ZZEF1: variants seen among roughly 807,000 people sequenced by gnomAD.
ZZEF1 encodes the protein zinc finger ZZ-type and EF-hand domain containing 1, also known as zinc finger ZZ-type and EF-hand domain-containing protein 1.
Under a neutral mutation model 342.8 loss-of-function variants are expected in ZZEF1, and 157 were observed. The ratio of observed to expected loss-of-function variants is 0.46; its 90% CI spans 0.40 to 0.52. ZZEF1 has a LOEUF of 0.52. ZZEF1 is among the 20% of genes least tolerant of loss of function. The pLI, the probability that ZZEF1 is intolerant of heterozygous loss-of-function variation, is 0.00. For synonymous variants in ZZEF1, 1,505 were observed against 1,429.1 expected, an observed-to-expected ratio of 1.05 and a Z score of -1.20; for missense variants, 3,480 against 3,725.6, an observed-to-expected ratio of 0.93 and a Z score of 1.72.
At chr17:4,043,945 A>G (rs978750578) in intron 38 of ZZEF1, among the ~76,000 whole-genome samples, 4 of 152,234 alleles carry the variant, frequency 2.6e-5, no homozygotes, top group African/African-American at 4.8e-5. Context: ...CCACATGTCT[A>G]TCTGTCTGAT....
intron 35 of ZZEF1, among the ~76,000 whole-genome samples, chr17:4,051,269 T>C (rs1248221718): frequency 2.0e-5 from 3 of 152,186 alleles, no homozygotes; most frequent in African/African-American, 7.2e-5. Flanking sequence ...CCAGAGGTTG[T>C]CTGCAGAAAT....
chr17:4,053,999 A>G, intron 34 of ZZEF1, 58 bp downstream of exon 34: 2 of 1,534,464 alleles, frequency 1.3e-6, no homozygotes, highest in Non-Finnish European at 1.8e-6. Context: ...TGACAAGATC[A>G]TAGAAATCAG....
chr17:4,053,114 G>A (rs1187048505), intron 34 of ZZEF1, among the ~76,000 whole-genome samples: 2 of 152,180 alleles, frequency 1.3e-5, no homozygotes, highest in African/African-American at 4.8e-5. Context: ...TTTCCTAAAG[G>A]AGACTCTTAG....
At chr17:4,064,299 G>C in intron 29 of ZZEF1, 62 bp downstream of exon 29, 1 of 1,321,206 alleles carries the variant, frequency 7.6e-7, no homozygotes, top group Non-Finnish European at 1.0e-6. Flanking sequence ...TCAAGCCTCT[G>C]ACTAGACTGG....
intron 2 of ZZEF1, among the ~76,000 whole-genome samples, chr17:4,118,330 A>G (rs1325590068): frequency 6.6e-6 from 1 of 152,182 alleles, no homozygotes; most frequent in Non-Finnish European, 1.5e-5. Flanking sequence ...CCATAGTCCA[A>G]TGTTCAGTTT....
At chr17:4,049,332 C>T (rs2056994456) in intron 37 of ZZEF1, among the ~76,000 whole-genome samples, 1 of 151,794 alleles carries the variant, frequency 6.6e-6, no homozygotes, top group Non-Finnish European at 1.5e-5. Flanking sequence ...GGCAACATGG[C>T]GAAACCCTGT....
chr17:4,061,384 G>A (rs541043326), intron 30 of ZZEF1, among the ~76,000 whole-genome samples: 8 of 152,020 alleles, frequency 5.3e-5, no homozygotes, highest in Non-Finnish European at 1.2e-4. Flanking sequence ...AGGTAAAGAA[G>A]TGTCCCTAAG....
intron 1 of ZZEF1, among the ~76,000 whole-genome samples, chr17:4,133,309 T>C (rs928512123): frequency 7.9e-5 from 12 of 152,220 alleles, no homozygotes; most frequent in East Asian, 5.8e-4. Context: ...CCCCGTCTTA[T>C]AGTTGTACAG....
In ZZEF1 at chr17:4,062,908, C is replaced by A; in HGVS notation, c.4728G>T (p.Lys1576Asn). The change falls in exon 30 of 55, where the codon AAG (lysine) becomes AAT (asparagine). Residue 1576 changes from lysine (K) to asparagine (N), a missense_variant. By Grantham distance (94) the Lys-to-Asn change is moderately conservative (BLOSUM62 0). Around this residue, in one of 5 missense-constraint regions of ZZEF1, gnomAD observed 1,528 missense variants for 1,624.1 expected, o/e 0.94. Coordinates refer to ENST00000381638, the MANE Select transcript of ZZEF1 (RefSeq NM_015113.4). ...CCTGGGCTTTCCTCAGGGAAAGAAC[C>A]TTCACAACACTGGAGACACAATGCA... Reference protein sequence around the residue: ...DQSLSHRSVVKVLSLRKAQAQ... With the variant: ...DQSLSHRSVVNVLSLRKAQAQ... 1 of 1,610,340 alleles carries A rather than the reference C, an allele frequency of 6.2e-7. No individual in the cohort carries two copies. Among genetic ancestry groups the A allele is most frequent in the Non-Finnish European group, 8.5e-7 (1 of 1,178,572 alleles).
intron 28 of ZZEF1, 90 bp downstream of exon 28, chr17:4,066,357 A>G: frequency 9.0e-7 from 1 of 1,111,026 alleles, no homozygotes; most frequent in Non-Finnish European, 1.4e-6. Flanking sequence ...AGCCTCAATT[A>G]AGATAATCTA....
chr17:4,124,296 G>A (rs2058538981), intron 1 of ZZEF1, among the ~76,000 whole-genome samples: 1 of 151,930 alleles, frequency 6.6e-6, no homozygotes, highest in Non-Finnish European at 1.5e-5. Flanking sequence ...TAACCATTAA[G>A]TAATCCAAGA....
chr17:4,085,678 T>C lies in ZZEF1; in HGVS notation c.2638A>G (p.Thr880Ala), dbSNP rs1031868810. The C allele has an allele frequency of 1.9e-6, 3 of 1,614,032 alleles. No individual in the cohort carries two copies. Among genetic ancestry groups the C allele is most frequent in the Non-Finnish European group, 2.5e-6 (3 of 1,179,968 alleles). The change falls in exon 16 of 55, where the codon ACC becomes GCC. Residue 880 changes from threonine (T) to alanine (A), a missense_variant. Physicochemically the swap from Thr to Ala is moderately conservative, Grantham distance 58. Transcript: ENST00000381638. ...CTTTTAGTAATAATTACCATCATGG[T>C]GAAGAGATGGTTCCGTCGGGTCTGT... ...NRQTRRNHLF[T>A]MMNVTEQEHK... is the part of the protein sequence containing the mutation.
chr17:4,074,891 C>A (rs1026441215), intron 23 of ZZEF1, among the ~76,000 whole-genome samples: 2 of 152,244 alleles, frequency 1.3e-5, no homozygotes, highest in Non-Finnish European at 2.9e-5. Context: ...AAATGATAAA[C>A]AGGCATGGCT....
chr17:4,072,210 CAA>C (rs1441002948), intron 25 of ZZEF1, among the ~76,000 whole-genome samples: 1 of 152,076 alleles, frequency 6.6e-6, no homozygotes, highest in Non-Finnish European at 1.5e-5. Flanking sequence ...AAAGACAGGG[CAA>C]ACTTTTTAGT....
intron 1 of ZZEF1, among the ~76,000 whole-genome samples, chr17:4,131,788 G>T (rs2058666481): frequency 6.6e-6 from 1 of 151,636 alleles, no homozygotes; most frequent in Non-Finnish European, 1.5e-5. Context: ...CAAAAAAAAA[G>T]AAAAACAAAA....
At chr17:4,099,292 A>G (rs1365621784) in intron 9 of ZZEF1, among the ~76,000 whole-genome samples, 3 of 152,108 alleles carry the variant, frequency 2.0e-5, no homozygotes, top group Admixed American at 1.3e-4. Context: ...TGGTACAATC[A>G]TAACTCACTG....
chr17:4,014,802 A>G lies in ZZEF1; in HGVS notation c.8146-287T>C, dbSNP rs955572739. On this transcript the variant is annotated intron_variant, in intron 49 of 54. Coordinates refer to ENST00000381638, the MANE Select transcript of ZZEF1 (RefSeq NM_015113.4). The surrounding 1 kb of genome is among the most constrained non-coding windows in gnomAD (Gnocchi z 4.4). ...GAGGACCCTGTTAGGAGAAGGCGGG[A>G]GTGGGAGACAAGGTGGACCTGAGTG... Among the ~76,000 whole-genome samples the G allele has an allele frequency of 2.0e-5, 3 of 152,136 alleles. No homozygotes were observed. The highest frequency in any genetic ancestry group is 4.4e-5 in the Non-Finnish European group (3 of 68,016).
chr17:4,080,703 T>A lies in ZZEF1; in HGVS notation c.2829+673A>T, dbSNP rs115196044. Among the ~76,000 whole-genome samples the A allele has an allele frequency of 4.8e-3, 733 of 152,308 alleles. 5 individuals are homozygous for A. Among genetic ancestry groups the A allele is most frequent in the African/African-American group, 0.017 (712 of 41,548 alleles). On this transcript the variant is annotated intron_variant, in intron 18 of 54. Transcript: ENST00000381638. The stretch of plus-strand genomic sequence containing the variant: ...CTGTGACCGGTCCTGAATTTCTTTT[T>A]TAAAGTCCAAGTAGTTTTCCTGAAA...
At chr17:4,024,322 C>T (rs1027146256) in intron 43 of ZZEF1, among the ~76,000 whole-genome samples, 4 of 151,140 alleles carry the variant, frequency 2.6e-5, no homozygotes, top group African/African-American at 7.3e-5. Flanking sequence ...CTCAGCCTCC[C>T]GAGTAGCTGG....
Sources: gnomAD v4.1 joint callset for allele counts (sites outside exome capture counted in the v4.1 genomes callset) on GRCh38, gnomAD v4.1.1 for gene constraint, gnomAD v4.1.1 regional missense constraint, Gnocchi (gnomAD v3.1) non-coding constraint, MANE v1.5 for transcripts, NCBI Gene and HGNC (gene_info 2026-07-23, HGNC 2026-07-21) for gene names.